The following RNLS variants were observed in gnomAD, a reference collection of about 807,000 sequenced individuals.
RNLS encodes renalase, FAD dependent amine oxidase.
RNLS carries 39 observed loss-of-function variants against 39.8 expected under a neutral mutation model. That is an observed-to-expected ratio of 0.98 (90% CI 0.76 to 1.28). RNLS has a LOEUF of 1.28. RNLS is among the 50% of genes most tolerant of loss of function. The pLI, the probability that RNLS is intolerant of heterozygous loss-of-function variation, is 0.00. For missense variants in RNLS, 410 were observed against 413.3 expected (o/e 0.99, Z 0.07); for synonymous variants, 147 against 150.7 (o/e 0.98, Z 0.18).
At chr10:88,569,328 T>C (rs1849697080) in intron 4 of RNLS, among the ~76,000 whole-genome samples, 1 of 152,176 alleles carries the variant, frequency 6.6e-6, no homozygotes, top group African/African-American at 2.4e-5. Flanking sequence ...CACTTTTTTT[T>C]TTTTGTAACA....
At chr10:88,569,853 A>G (rs181385881) in intron 4 of RNLS, among the ~76,000 whole-genome samples, 8 of 152,262 alleles carry the variant, frequency 5.3e-5, no homozygotes, top group Admixed American at 1.3e-4. Context: ...ATAAAAAATA[A>G]AAAATAAAGA....
chr10:88,192,493 T>G, the RNLS span, among the ~76,000 whole-genome samples: 2 of 152,244 alleles, frequency 1.3e-5, no homozygotes, highest in African/African-American at 4.8e-5. Context: ...TTTAGAATAT[T>G]TAATGCCATC....
rs184859128 is a variant in RNLS at position 88,289,555 on chromosome 10, T to G, written c.877-4049A>C. Among the ~76,000 whole-genome samples the G allele has an allele frequency of 1.3e-3, 194 of 152,262 alleles. 1 individual carries two copies. Among genetic ancestry groups the G allele is most frequent in the East Asian group, 5.8e-4 (3 of 5,178 alleles). On this transcript the variant is annotated intron_variant, in intron 6 of 6. Transcript: ENST00000331772. Reference sequence around the variant, plus strand: ...CAGCATGTTATTTCTATCTATTATATTACTTGCTATTTTGCACTGTAATGA... The same window carrying G: ...CAGCATGTTATTTCTATCTATTATAGTACTTGCTATTTTGCACTGTAATGA...
At chr10:88,401,118 TG>T (rs1271071780) in intron 4 of RNLS, among the ~76,000 whole-genome samples, 2 of 152,084 alleles carry the variant, frequency 1.3e-5, no homozygotes, top group Admixed American at 6.6e-5. Context: ...TGGTTGCCAT[TG>T]ATTTGTAAGG....
chr10:88,379,214 T>C (rs534626994), intron 4 of RNLS, among the ~76,000 whole-genome samples: 18 of 152,348 alleles, frequency 1.2e-4, no homozygotes, highest in African/African-American at 4.3e-4. Context: ...TATGTTTTAA[T>C]GTTGAAGAGT....
the RNLS span, among the ~76,000 whole-genome samples, chr10:88,216,835 T>C: frequency 6.6e-6 from 1 of 152,216 alleles, no homozygotes; most frequent in Non-Finnish European, 1.5e-5. Context: ...TCAATGTCTT[T>C]ATCTGGAAAT....
intron 4 of RNLS, among the ~76,000 whole-genome samples, chr10:88,426,436 A>G (rs977135218): frequency 8.6e-5 from 13 of 151,954 alleles, no homozygotes; most frequent in East Asian, 7.7e-4. Context: ...ATTCCCCCCA[A>G]TTCCCCCTTT....
chr10:88,271,181 G>A (rs1842641410), downstream of RNLS, among the ~76,000 whole-genome samples: 1 of 152,174 alleles, frequency 6.6e-6, no homozygotes, highest in Admixed American at 6.5e-5. Flanking sequence ...TTGAGGTGAA[G>A]GAGGCTTGGC....
At chr10:88,210,003 T>C in the RNLS span, among the ~76,000 whole-genome samples, 2 of 152,368 alleles carry the variant, frequency 1.3e-5, no homozygotes, top group Admixed American at 6.5e-5. Context: ...ACTCAATGTC[T>C]GAAGATGGCT....
intron 4 of RNLS, among the ~76,000 whole-genome samples, chr10:88,559,682 T>TTCATTCAC (rs1849066096): frequency 6.6e-6 from 1 of 151,968 alleles, no homozygotes; most frequent in South Asian, 2.1e-4. Context: ...CATTCATTCA[T>TTCATTCAC]TCAATGCAGA....
At chr10:88,486,817 C>A (rs1844555080) in intron 4 of RNLS, among the ~76,000 whole-genome samples, 2 of 152,172 alleles carry the variant, frequency 1.3e-5, no homozygotes, top group Non-Finnish European at 2.9e-5. Context: ...TCCTCAAAGA[C>A]CTAAAAACAG....
intron 4 of RNLS, among the ~76,000 whole-genome samples, chr10:88,463,667 C>T (rs1478557499): frequency 2.0e-5 from 3 of 152,004 alleles, no homozygotes; most frequent in African/African-American, 7.2e-5. Context: ...GAGATTGCTA[C>T]TCATTTCTAA....
intron 4 of RNLS, among the ~76,000 whole-genome samples, chr10:88,376,878 T>A (rs1206136214): frequency 6.6e-6 from 1 of 152,152 alleles, no homozygotes; most frequent in African/African-American, 2.4e-5. Context: ...ACATAAAACA[T>A]TTTATTTTTG....
At chr10:88,394,569 A>G (rs1447356008) in intron 4 of RNLS, among the ~76,000 whole-genome samples, 1 of 152,216 alleles carries the variant, frequency 6.6e-6, no homozygotes, top group Non-Finnish European at 1.5e-5. Context: ...AATGTGGAGA[A>G]ATAGGAACAC....
chr10:88,359,497 A>G (rs1183925085), intron 5 of RNLS, among the ~76,000 whole-genome samples: 1 of 152,232 alleles, frequency 6.6e-6, no homozygotes, highest in African/African-American at 2.4e-5. Flanking sequence ...TTACGTTATG[A>G]AATGCCATTA....
At chr10:88,545,436 AAG>A (rs1344825285) in intron 4 of RNLS, 1 of 456,238 alleles carries the variant, frequency 2.2e-6, no homozygotes, top group African/African-American at 2.0e-5. Context: ...AAGACAAAGA[AAG>A]AGCAAAGGCA....
chr10:88,557,516 A>G (rs548327460), intron 4 of RNLS, among the ~76,000 whole-genome samples: 1 of 152,300 alleles, frequency 6.6e-6, no homozygotes, highest in South Asian at 2.1e-4. Context: ...CTGAGGCAAT[A>G]TAATACAAAA....
At chr10:88,246,550 G>T in the RNLS span, among the ~76,000 whole-genome samples, 5 of 148,790 alleles carry the variant, frequency 3.4e-5, no homozygotes, top group South Asian at 2.1e-4. Context: ...GAGTTTTGTT[G>T]TTTTTTTTTT....
At chr10:88,224,069 G>C in the RNLS span, among the ~76,000 whole-genome samples, 1 of 150,604 alleles carries the variant, frequency 6.6e-6, no homozygotes, top group African/African-American at 2.4e-5. Flanking sequence ...GAGAGAAACA[G>C]AGAAAAATGG....
Sources: gnomAD v4.1 joint callset for allele counts (sites outside exome capture counted in the v4.1 genomes callset) on GRCh38, gnomAD v4.1.1 for gene constraint, MANE v1.5 for transcripts, NCBI Gene and HGNC (gene_info 2026-07-23, HGNC 2026-07-21) for gene names.